The following RALYL variants were observed in gnomAD, a reference collection of about 807,000 sequenced individuals.
RALYL encodes the protein RALY RNA binding protein like, also known as RNA-binding Raly-like protein.
A neutral mutation model predicts 35.1 loss-of-function variants in RALYL; 29 were observed. That is an observed-to-expected ratio of 0.83 (90% CI 0.61 to 1.13). The LOEUF (loss-of-function observed/expected upper bound fraction) is 1.13. RALYL is among the 50% of genes most tolerant of loss of function. RALYL has a pLI of 0.00. For missense variants in RALYL, 359 were observed against 360.4 expected (o/e 1.00, Z 0.03); for synonymous variants, 120 against 127.6 (o/e 0.94, Z 0.40).
At chr8:84,839,036 C>A (rs192184935) in intron 4 of RALYL, among the ~76,000 whole-genome samples, 1 of 152,322 alleles carries the variant, frequency 6.6e-6, no homozygotes, top group East Asian at 1.9e-4. Flanking sequence ...CAGCTCCCAG[C>A]ATGAGCAACG....
chr8:84,576,541 C>T (rs1809480603), intron 2 of RALYL, among the ~76,000 whole-genome samples: 1 of 152,222 alleles, frequency 6.6e-6, no homozygotes, highest in South Asian at 2.1e-4. Context: ...GACACAGGTG[C>T]CACCACTCCC....
intron 2 of RALYL, among the ~76,000 whole-genome samples, chr8:84,531,910 A>T (rs1054642183): frequency 1.3e-5 from 2 of 152,046 alleles, no homozygotes; most frequent in African/African-American, 4.8e-5. Context: ...AAAAATGATG[A>T]CACCAAATTG....
At chr8:84,379,232 A>G (rs559521901) in intron 1 of RALYL, among the ~76,000 whole-genome samples, 59 of 151,950 alleles carry the variant, frequency 3.9e-4, no homozygotes, top group Non-Finnish European at 7.1e-4. Flanking sequence ...TAATCTTCCA[A>G]TGGATTGGTT....
intron 1 of RALYL, among the ~76,000 whole-genome samples, chr8:84,455,680 T>G (rs1587425638): frequency 6.6e-6 from 1 of 152,204 alleles, no homozygotes; most frequent in East Asian, 1.9e-4. Flanking sequence ...TTACATGTAT[T>G]TATTTTCTTA....
chr8:84,324,289 T>TTTCC (rs549388810), intron 1 of RALYL, among the ~76,000 whole-genome samples: 2,519 of 152,066 alleles, frequency 0.017, 27 homozygotes, highest in Middle Eastern at 0.048. Context: ...ATTTCTTTTT[T>TTTCC]TTCCTTCCTT....
intron 5 of RALYL, 151 bp from the exon 6 acceptor site, chr8:84,862,145 A>G: frequency 3.3e-6 from 2 of 614,514 alleles, no homozygotes; most frequent in Non-Finnish European, 5.1e-6. Context: ...AAATCTGCCA[A>G]TAAATACCTG....
At chr8:84,720,401 G>A (rs549822898) in intron 2 of RALYL, among the ~76,000 whole-genome samples, 1 of 152,142 alleles carries the variant, frequency 6.6e-6, no homozygotes, top group Non-Finnish European at 1.5e-5. Context: ...ATGTAGTGGG[G>A]AAAAGACAAC....
intron 1 of RALYL, among the ~76,000 whole-genome samples, chr8:84,492,207 G>A (rs919866888): frequency 2.0e-5 from 3 of 151,892 alleles, no homozygotes; most frequent in African/African-American, 7.2e-5. Context: ...AGTAAAACCT[G>A]TCATGGTTAA....
intron 8 of RALYL, among the ~76,000 whole-genome samples, chr8:84,919,844 A>C (rs771463108): frequency 1.1e-4 from 16 of 152,054 alleles, no homozygotes; most frequent in Non-Finnish European, 1.9e-4. Flanking sequence ...TGCCAATATC[A>C]TAACAAGATT....
At chr8:84,524,050 C>G (rs1195162120) in intron 1 of RALYL, among the ~76,000 whole-genome samples, 2 of 151,986 alleles carry the variant, frequency 1.3e-5, no homozygotes, top group Middle Eastern at 3.2e-3. Flanking sequence ...ATGGCTGGGT[C>G]AAATGGTATT....
intron 1 of RALYL, among the ~76,000 whole-genome samples, chr8:84,451,194 A>G (rs1041633117): frequency 6.6e-6 from 1 of 152,052 alleles, no homozygotes; most frequent in African/African-American, 2.4e-5. Context: ...TTTGTTCTCT[A>G]ATATTCCAAC....
At chr8:84,556,645 G>A (rs1413977082) in intron 2 of RALYL, among the ~76,000 whole-genome samples, 1 of 152,070 alleles carries the variant, frequency 6.6e-6, no homozygotes, top group African/African-American at 2.4e-5. Context: ...TCTCTTTCCT[G>A]ATGTCAGTAT....
At chr8:84,641,214 T>A (rs1036478827) in intron 2 of RALYL, among the ~76,000 whole-genome samples, 15 of 151,734 alleles carry the variant, frequency 9.9e-5, no homozygotes, top group Admixed American at 2.0e-4. Flanking sequence ...TATTTTTACC[T>A]TTTTTAAATA....
At chr8:84,668,949 A>ACATCCATCCATC (rs529680899) in intron 2 of RALYL, among the ~76,000 whole-genome samples, 65 of 150,706 alleles carry the variant, frequency 4.3e-4, no homozygotes, top group African/African-American at 1.3e-3. Flanking sequence ...GTTCAACAAC[A>ACATCCATCCATC]CATCCATCCA....
chr8:84,686,036 A>T (rs1836703384), intron 2 of RALYL, among the ~76,000 whole-genome samples: 1 of 152,170 alleles, frequency 6.6e-6, no homozygotes. Flanking sequence ...GTGTATCTCC[A>T]CTTAGCTTGG....
At chr8:84,555,086 C>A (rs913585277) in intron 2 of RALYL, among the ~76,000 whole-genome samples, 1 of 152,188 alleles carries the variant, frequency 6.6e-6, no homozygotes, top group African/African-American at 2.4e-5. Flanking sequence ...CAAGACCAGC[C>A]TGACCAACAT....
chr8:84,854,480 A>C (rs1836560668), intron 5 of RALYL, among the ~76,000 whole-genome samples: 1 of 152,088 alleles, frequency 6.6e-6, no homozygotes. Context: ...ATTATAGCTG[A>C]TTTGGGACAT....
chr8:84,556,708 C>A (rs552050648), intron 2 of RALYL, among the ~76,000 whole-genome samples: 23 of 152,174 alleles, frequency 1.5e-4, no homozygotes, highest in Admixed American at 1.4e-3. Flanking sequence ...TGATATACAC[C>A]ACCTCTGAGT....
rs1282604721 is a variant in RALYL, at chr8:84,912,169, AAACTC to A, written c.859-8722_859-8718del. Among the ~76,000 whole-genome samples the A allele has an allele frequency of 3.3e-5, 5 of 151,902 alleles. No homozygotes were observed. In the East Asian group the frequency reaches 7.7e-4, roughly 24 times the overall value. On this transcript the variant is annotated intron_variant, in intron 8 of 8. Transcript: ENST00000521268. The stretch of plus-strand genomic sequence containing the variant: ...TTGCCCTAAGTCACCTCATCATCAT[AAACTC>A]AAGTGAGAGCAAAGGGCTTGTTATG...
Sources: gnomAD v4.1 joint callset for allele counts (sites outside exome capture counted in the v4.1 genomes callset) on GRCh38, gnomAD v4.1.1 for gene constraint, MANE v1.5 for transcripts, NCBI Gene and HGNC (gene_info 2026-07-23, HGNC 2026-07-21) for gene names.